Variants in DCHS2 observed in about 807,000 individuals in gnomAD.
DCHS2 encodes protocadherin-23.
DCHS2 carries 142 observed loss-of-function variants against 182.4 expected under a neutral mutation model. The ratio of observed to expected loss-of-function variants is 0.78; its 90% confidence interval spans 0.68 to 0.89. The LOEUF (loss-of-function observed/expected upper bound fraction) is 0.89. DCHS2 is among the 40% of genes least tolerant of loss of function. The pLI is 0.00. For missense variants in DCHS2, 4,319 were observed against 4,198.6 expected, an observed-to-expected ratio of 1.03 and a Z score of -0.79; for synonymous variants, 1,740 against 1,663.3, an observed-to-expected ratio of 1.05 and a Z score of -1.12.
intron 3 of DCHS2, among the ~76,000 whole-genome samples, chr4:154,338,651 T>C (rs114517934): frequency 9.7e-4 from 148 of 152,330 alleles, no homozygotes; most frequent in Non-Finnish European, 2.0e-3. Context: ...CAAGAGGATG[T>C]CATTTGGAAC....
In DCHS2 at chr4:154,401,149, G is replaced by A. The variant is rs79937057; in HGVS notation, c.2053-23705C>T. Among the ~76,000 whole-genome samples, 1,262 of 152,234 alleles carry A rather than the reference G, an allele frequency of 8.3e-3. 20 individuals are homozygous for A. The highest frequency in any genetic ancestry group is 0.029 in the African/African-American group (1,211 of 41,524). On this transcript the variant is annotated intron_variant, in intron 1 of 19. Coordinates refer to ENST00000357232, the MANE Select transcript of DCHS2 (RefSeq NM_001358235.2). Reference sequence around the variant, plus strand: ...TTGCTCGTCCTTAACTTTACATAATGAGATCACACATGTGCTTTTTTGATT... The same window carrying A: ...TTGCTCGTCCTTAACTTTACATAATAAGATCACACATGTGCTTTTTTGATT...
rs765878314 is a variant in DCHS2, at chr4:154,333,445, T to A, written c.2763A>T (p.Gly921=). The A allele has an allele frequency of 4.3e-6, 7 of 1,613,702 alleles. No individual in the cohort carries two copies. Among genetic ancestry groups the A allele is most frequent in the Middle Eastern group, 1.6e-4 (1 of 6,082 alleles). ...CCAGCCGCGGGTGAATGGAGAACTTTCCGCCGAGATCACCAGAAGAAATCC... is the reference window on the plus strand; with the variant it reads ...CCAGCCGCGGGTGAATGGAGAACTTACCGCCGAGATCACCAGAAGAAATCC... ...FYRISSGDLG[G]KFSIHPRLGT... Residue 921 remains glycine, a synonymous_variant, in exon 5 of 20, where the codon GGA becomes GGT. Transcript: ENST00000357232.
chr4:154,335,243 G>A (rs1214469261), intron 3 of DCHS2, 139 bp from the exon 4 acceptor site: 6 of 654,520 alleles, frequency 9.2e-6, no homozygotes, highest in Non-Finnish European at 1.6e-5. Context: ...CCAGGCATTT[G>A]ATCAAACATT....
At chr4:154,255,412 C>T in intron 16 of DCHS2, 107 bp downstream of exon 16, 2 of 1,404,396 alleles carry the variant, frequency 1.4e-6, no homozygotes, top group South Asian at 1.8e-5. Flanking sequence ...AAAGGGATAA[C>T]ACATTTTACA....
At chr4:154,259,789 A>G (rs754389312) in intron 14 of DCHS2, 33 bp from the exon 15 acceptor site, 38 of 1,570,852 alleles carry the variant, frequency 2.4e-5, no homozygotes, top group Non-Finnish European at 3.2e-5. Context: ...AAAAAAGAAA[A>G]TGATGTTGTA....
At chr4:154,321,585 A>G (rs1288724353) in intron 8 of DCHS2, among the ~76,000 whole-genome samples, 2 of 152,216 alleles carry the variant, frequency 1.3e-5, no homozygotes, top group Non-Finnish European at 2.9e-5. Flanking sequence ...TGATCTATCC[A>G]TAATGACAAC....
intron 6 of DCHS2, among the ~76,000 whole-genome samples, chr4:154,328,923 A>G (rs1478477130): frequency 2.6e-5 from 4 of 152,220 alleles, no homozygotes; most frequent in Admixed American, 6.5e-5. Flanking sequence ...ATTATAACCC[A>G]TCCACTAAAA....
chr4:154,392,914 T>C (rs1367667880), intron 1 of DCHS2, among the ~76,000 whole-genome samples: 1 of 152,172 alleles, frequency 6.6e-6, no homozygotes, highest in African/African-American at 2.4e-5. Context: ...TATCACTTCA[T>C]TGATGCAGCT....
At chr4:154,325,815 T>G (rs1004251999) in intron 7 of DCHS2, among the ~76,000 whole-genome samples, 1 of 152,178 alleles carries the variant, frequency 6.6e-6, no homozygotes, top group African/African-American at 2.4e-5. Flanking sequence ...TCCCTGACCA[T>G]GGAGGTATTG....
intron 7 of DCHS2, 189 bp from the exon 8 acceptor site, chr4:154,322,677 C>A: frequency 1.3e-6 from 1 of 742,710 alleles, no homozygotes; most frequent in Non-Finnish European, 2.0e-6. Context: ...ATGGAAAATG[C>A]ATACAAAAAA....
intron 10 of DCHS2, among the ~76,000 whole-genome samples, chr4:154,311,444 A>G (rs1286245762): frequency 2.0e-5 from 3 of 151,624 alleles, no homozygotes. Context: ...TATGTTGCCC[A>G]AGCTGGTCTT....
intron 1 of DCHS2, among the ~76,000 whole-genome samples, chr4:154,454,499 T>A (rs572211014): frequency 6.6e-6 from 1 of 152,296 alleles, no homozygotes; most frequent in East Asian, 1.9e-4. Context: ...TTATTCTACA[T>A]ATGGACTTAA....
chr4:154,302,507 G>T (rs1424051489), intron 12 of DCHS2, among the ~76,000 whole-genome samples: 1 of 152,178 alleles, frequency 6.6e-6, no homozygotes, highest in Non-Finnish European at 1.5e-5. Context: ...AGACAACCCT[G>T]CCTATCTCCT....
At chr4:154,385,332 A>G (rs928130592) in intron 1 of DCHS2, among the ~76,000 whole-genome samples, 1 of 152,112 alleles carries the variant, frequency 6.6e-6, no homozygotes, top group Non-Finnish European at 1.5e-5. Context: ...ATTGTTGAAC[A>G]TTTGGGTTGG....
chr4:154,443,894 C>T (rs1212481910), intron 1 of DCHS2, among the ~76,000 whole-genome samples: 1 of 152,222 alleles, frequency 6.6e-6, no homozygotes, highest in African/African-American at 2.4e-5. Flanking sequence ...CAATGAGCTG[C>T]TCACTGCTTG....
chr4:154,362,759 G>A (rs566326640), intron 3 of DCHS2, among the ~76,000 whole-genome samples: 4 of 151,720 alleles, frequency 2.6e-5, no homozygotes, highest in Admixed American at 1.3e-4. Flanking sequence ...CTTCCTCCTC[G>A]GCCATCTCAA....
intron 1 of DCHS2, among the ~76,000 whole-genome samples, chr4:154,428,443 G>A (rs1560752694): frequency 6.6e-6 from 1 of 152,048 alleles, no homozygotes; most frequent in Non-Finnish European, 1.5e-5. Flanking sequence ...GGAGGCAGAG[G>A]CAGGAGGATT....
chr4:154,402,820 T>C (rs1248125478), intron 1 of DCHS2, among the ~76,000 whole-genome samples: 1 of 152,234 alleles, frequency 6.6e-6, no homozygotes, highest in South Asian at 2.1e-4. Context: ...ATGAACATTA[T>C]ATACCTCTCC....
chr4:154,274,281 C>A (rs1018225371), intron 13 of DCHS2, among the ~76,000 whole-genome samples: 10 of 152,154 alleles, frequency 6.6e-5, no homozygotes, highest in Admixed American at 2.6e-4. Flanking sequence ...TGGGGAAAAA[C>A]CCCACTATAT....
Sources: allele counts gnomAD v4.1 joint callset (sites outside exome capture counted in the v4.1 genomes callset), GRCh38; gene constraint gnomAD v4.1.1; transcripts MANE v1.5; gene names NCBI Gene and HGNC (gene_info 2026-07-23, HGNC 2026-07-21).